Variants in MED27 observed in about 807,000 individuals in gnomAD.
MED27 encodes the protein mediator complex subunit 27.
Under a neutral mutation model 38.2 loss-of-function variants are expected in MED27, and 30 were observed. That is an observed-to-expected ratio of 0.79 (90% CI 0.59 to 1.07). The LOEUF (loss-of-function observed/expected upper bound fraction) is 1.07. Among genes scored for constraint, MED27 ranks in the 50% least tolerant of loss-of-function variants. The pLI, the probability that MED27 is intolerant of heterozygous loss-of-function variation, is 0.00. For synonymous variants in MED27, 122 were observed against 153.5 expected, an observed-to-expected ratio of 0.79 and a Z score of 1.52; for missense variants, 289 against 397.5, an observed-to-expected ratio of 0.73 and a Z score of 2.32.
chr9:131,907,408 C>T (rs547436664), intron 4 of MED27, among the ~76,000 whole-genome samples: 9 of 152,268 alleles, frequency 5.9e-5, no homozygotes, highest in African/African-American at 1.9e-4. Context: ...TTGGTGGAGA[C>T]GGGGTTTCGC....
intron 6 of MED27, among the ~76,000 whole-genome samples, chr9:131,881,955 C>T (rs1425578335): frequency 1.3e-5 from 2 of 151,900 alleles, no homozygotes; most frequent in Admixed American, 1.3e-4. Flanking sequence ...AGGGTTTCAC[C>T]ATGTTGGCCA....
chr9:132,061,813 G>T (rs1026854990), intron 2 of MED27, among the ~76,000 whole-genome samples: 3 of 152,132 alleles, frequency 2.0e-5, no homozygotes, highest in African/African-American at 7.2e-5. Flanking sequence ...TAAACATAAG[G>T]TATTTCTCTG....
In MED27 at chr9:131,883,676, C is replaced by T. The variant is rs1839086655; in HGVS notation, c.723+382G>A. On this transcript the variant is annotated intron_variant, in intron 6 of 7. Coordinates refer to ENST00000292035, the MANE Select transcript of MED27 (RefSeq NM_004269.4). This position sits in a 1 kb window ranked among gnomAD's most constrained non-coding sequence, Gnocchi z 4.2. Reference sequence around the variant, plus strand: ...ACAGTTTTTGGAACATCTCAAAAACCTATGGTTTTCCTAAGGTATAATTTA... The same window carrying T: ...ACAGTTTTTGGAACATCTCAAAAACTTATGGTTTTCCTAAGGTATAATTTA... 6.6e-6 allele frequency among the ~76,000 whole-genome samples: 1 copy of T among 152,124 alleles called. No homozygotes were observed. The highest frequency in any genetic ancestry group is 1.5e-5 in the Non-Finnish European group (1 of 68,032).
chr9:131,991,053 A>C (rs1039756382), intron 3 of MED27, among the ~76,000 whole-genome samples: 1 of 152,178 alleles, frequency 6.6e-6, no homozygotes, highest in African/African-American at 2.4e-5. Flanking sequence ...TTTAAAACAT[A>C]ACTGAGAGCA....
intron 2 of MED27, among the ~76,000 whole-genome samples, chr9:132,060,371 C>T (rs774668590): frequency 2.6e-5 from 4 of 152,210 alleles, no homozygotes; most frequent in Non-Finnish European, 5.9e-5. Flanking sequence ...GCTCCATGTA[C>T]ACCTGTAAGA....
chr9:131,886,797 C>A (rs1839149094), intron 5 of MED27, among the ~76,000 whole-genome samples: 1 of 152,206 alleles, frequency 6.6e-6, no homozygotes, highest in Admixed American at 6.5e-5. Flanking sequence ...TTTCTCAGTG[C>A]CGCAGTTTAG....
intron 3 of MED27, among the ~76,000 whole-genome samples, chr9:131,966,032 C>T (rs958673742): frequency 5.5e-4 from 83 of 150,242 alleles, no homozygotes; most frequent in African/African-American, 2.0e-3. Context: ...CCAGAGAGGA[C>T]TTCCACCTTG....
At chr9:131,915,625 C>T (rs1830275350) in intron 4 of MED27, among the ~76,000 whole-genome samples, 1 of 152,294 alleles carries the variant, frequency 6.6e-6, no homozygotes, top group East Asian at 1.9e-4. Context: ...ATGAACAAGG[C>T]CTACAACATT....
At chr9:131,998,636 T>C (rs1206224958) in intron 3 of MED27, among the ~76,000 whole-genome samples, 2 of 152,202 alleles carry the variant, frequency 1.3e-5, no homozygotes, top group Admixed American at 6.5e-5. Context: ...TAATTGGTCA[T>C]AGGAGACCTT....
chr9:131,977,438 T>C (rs745323268), intron 3 of MED27, among the ~76,000 whole-genome samples: 24 of 152,228 alleles, frequency 1.6e-4, no homozygotes, highest in Non-Finnish European at 2.6e-4. Flanking sequence ...TGCATGATTG[T>C]TAAGGAGTGT....
chr9:131,860,412 T>A lies in MED27; in HGVS notation c.*126A>T, dbSNP rs1838632128. 1 of 1,159,890 alleles carries A rather than the reference T, an allele frequency of 8.6e-7. No homozygotes were observed. The highest frequency in any genetic ancestry group is 3.3e-5 in the Admixed American group (1 of 30,768). 71.8% of individuals were successfully genotyped at this position (1,159,890 alleles called of 1,614,324 possible). The stretch of plus-strand genomic sequence containing the variant: ...AGAGTGGCCTCTGCACACATGGCGC[T>A]GCTTTATGAAAGGGAGGAGCAGCTG... On this transcript the variant is annotated 3_prime_UTR_variant, in exon 8 of 8. Coordinates refer to ENST00000292035, the MANE Select transcript of MED27 (RefSeq NM_004269.4). This position sits in a 1 kb window ranked among gnomAD's most constrained non-coding sequence, Gnocchi z 5.8.
At chr9:131,899,610 G>A (rs995085696) in intron 4 of MED27, among the ~76,000 whole-genome samples, 3 of 152,152 alleles carry the variant, frequency 2.0e-5, no homozygotes, top group Admixed American at 6.5e-5. Flanking sequence ...CTAGGGGTGC[G>A]GTGGACAGCA....
At chr9:132,001,690 C>T (rs1395123652) in intron 3 of MED27, among the ~76,000 whole-genome samples, 1 of 152,204 alleles carries the variant, frequency 6.6e-6, no homozygotes, top group African/African-American at 2.4e-5. Flanking sequence ...GATCCACCTT[C>T]TTCTAAGTTC....
At chr9:131,916,874 C>A (rs898763337) in intron 4 of MED27, among the ~76,000 whole-genome samples, 2 of 152,174 alleles carry the variant, frequency 1.3e-5, no homozygotes, top group African/African-American at 4.8e-5. Context: ...ACACAGCACA[C>A]CCCTTCAATA....
chr9:131,955,164 C>G (rs553665791), intron 3 of MED27, among the ~76,000 whole-genome samples: 43 of 152,126 alleles, frequency 2.8e-4, no homozygotes, highest in Non-Finnish European at 4.6e-4. Context: ...AGAAATTAAA[C>G]ACACTTTTAA....
chr9:131,977,783 G>C (rs1301786454), intron 3 of MED27, among the ~76,000 whole-genome samples: 1 of 152,224 alleles, frequency 6.6e-6, no homozygotes, highest in African/African-American at 2.4e-5. Context: ...AGGGGTGCTA[G>C]ACAACCAGCT....
rs1429185927 is a variant in MED27, at chr9:131,917,295, G to A, written c.573+22086C>T. Among the ~76,000 whole-genome samples the A allele has an allele frequency of 1.3e-5, 2 of 152,144 alleles. No homozygotes were observed. The highest frequency in any genetic ancestry group is 2.9e-5 in the Non-Finnish European group (2 of 68,026). ...TTAGAGAATACTGAGGATACCCAGG[G>A]AAGGGAGGAGAGAGGGAAGAAGAGG... On this transcript the variant is annotated intron_variant, in intron 4 of 7. Transcript: ENST00000292035. The surrounding 1 kb of genome is among the most constrained non-coding windows in gnomAD (Gnocchi z 4.6).
intron 3 of MED27, among the ~76,000 whole-genome samples, chr9:131,941,968 G>A (rs1325067095): frequency 1.3e-5 from 2 of 151,800 alleles, no homozygotes; most frequent in Non-Finnish European, 2.9e-5. Context: ...TGGGACTACA[G>A]GTGCCCGCCA....
intron 2 of MED27, among the ~76,000 whole-genome samples, chr9:132,052,302 C>T (rs1833480820): frequency 6.6e-6 from 1 of 152,220 alleles, no homozygotes; most frequent in Non-Finnish European, 1.5e-5. Flanking sequence ...AATCTGCAAA[C>T]AGTCCCTATT....
Sources: allele counts gnomAD v4.1 joint callset (sites outside exome capture counted in the v4.1 genomes callset), GRCh38; gene constraint gnomAD v4.1.1; non-coding constraint Gnocchi (gnomAD v3.1); transcripts MANE v1.5; gene names NCBI Gene and HGNC (gene_info 2026-07-23, HGNC 2026-07-21).